KCNH8: variants seen among roughly 807,000 people sequenced by gnomAD.
The protein encoded by KCNH8 is potassium voltage-gated channel subfamily H member 8.
In KCNH8, 70 loss-of-function variants were observed where a neutral mutation model predicts 103.6. The ratio of observed to expected loss-of-function variants is 0.68; its 90% CI spans 0.56 to 0.82. The LOEUF (loss-of-function observed/expected upper bound fraction) is 0.82. Among genes scored for constraint, KCNH8 ranks in the 40% least tolerant of loss-of-function variants. KCNH8 has a pLI of 0.00. For synonymous variants in KCNH8, 498 were observed against 489.4 expected, an observed-to-expected ratio of 1.02 and a Z score of -0.23; for missense variants, 1,217 against 1,329.9, an observed-to-expected ratio of 0.92 and a Z score of 1.32.
At chr3:19,372,948 C>T (rs545268065) in intron 5 of KCNH8, among the ~76,000 whole-genome samples, 2 of 151,736 alleles carry the variant, frequency 1.3e-5, no homozygotes, top group Non-Finnish European at 2.9e-5. Flanking sequence ...GCCTTGCATC[C>T]CAGGGATGAA....
chr3:19,417,395 G>A (rs1168716855), intron 7 of KCNH8, among the ~76,000 whole-genome samples: 1 of 151,426 alleles, frequency 6.6e-6, no homozygotes, highest in Non-Finnish European at 1.5e-5. Flanking sequence ...TATAATAATG[G>A]TAGTTATCTA....
chr3:19,335,371 T>A (rs896726268), intron 3 of KCNH8, among the ~76,000 whole-genome samples: 1 of 151,512 alleles, frequency 6.6e-6, no homozygotes, highest in Non-Finnish European at 1.5e-5. Context: ...ATATTCAGTT[T>A]ACTAATGTTT....
chr3:19,472,191 CATTCGTGTGTGT>C (rs1332482675), intron 11 of KCNH8, among the ~76,000 whole-genome samples: 4 of 124,178 alleles, frequency 3.2e-5, no homozygotes, highest in African/African-American at 9.4e-5. Context: ...TTAATCACTT[CATTCGTGTGTGT>C]GTGTGTGTGT....
chr3:19,199,527 A>T (rs548419408), intron 1 of KCNH8, among the ~76,000 whole-genome samples: 1 of 148,926 alleles, frequency 6.7e-6, no homozygotes, highest in Non-Finnish European at 1.5e-5. Flanking sequence ...ATGTACTTTG[A>T]TCATTGCTAG....
intron 11 of KCNH8, among the ~76,000 whole-genome samples, chr3:19,494,107 G>A (rs538926145): frequency 7.9e-5 from 12 of 152,266 alleles, no homozygotes; most frequent in East Asian, 1.9e-4. Flanking sequence ...TTTTCTGTTC[G>A]TGTGTTAGTT....
intron 3 of KCNH8, among the ~76,000 whole-genome samples, chr3:19,331,283 T>G (rs531518089): frequency 1.3e-5 from 2 of 148,674 alleles, no homozygotes; most frequent in Admixed American, 1.3e-4. Flanking sequence ...ATTTATTTAT[T>G]TATTGTTGTT....
intron 5 of KCNH8, among the ~76,000 whole-genome samples, chr3:19,355,529 T>C (rs913617980): frequency 6.1e-4 from 93 of 152,190 alleles, no homozygotes; most frequent in Non-Finnish European, 1.1e-3. Context: ...GTGGCACATA[T>C]ACAACATGGA....
chr3:19,501,386 A>C (rs1303904930), intron 11 of KCNH8, among the ~76,000 whole-genome samples: 2 of 152,192 alleles, frequency 1.3e-5, no homozygotes, highest in Non-Finnish European at 2.9e-5. Context: ...AAACTATTCC[A>C]ATCAACAGAA....
In KCNH8 at chr3:19,451,248, C is replaced by T. The variant is rs1361265649; in HGVS notation, c.1669C>T (p.Arg557Trp). 18 of 1,613,708 alleles carry T rather than the reference C, an allele frequency of 1.1e-5. No homozygotes were observed. Among genetic ancestry groups the T allele is most frequent in the Admixed American group, 3.3e-5 (2 of 59,946 alleles). Residue 557 changes from arginine (R) to tryptophan (W), a missense_variant, in exon 10 of 16, where the codon CGG becomes TGG. Around this residue, in one of 3 missense-constraint regions of KCNH8, gnomAD observed 415 missense variants for 577.4 expected, o/e 0.72. Transcript: ENST00000328405. ...GTTGTCCCTTTTTGAATGTGCCAGC[C>T]GGGGCTGCCTCAGGTCTCTGTCTCT... The part of the protein sequence containing the change: ...LQLSLFECAS[R>W]GCLRSLSLHI...
At chr3:19,230,592 A>C (rs1274287100) in intron 1 of KCNH8, among the ~76,000 whole-genome samples, 1 of 152,242 alleles carries the variant, frequency 6.6e-6, no homozygotes, top group Non-Finnish European at 1.5e-5. Flanking sequence ...CATCGGTTGC[A>C]TAATACCAAA....
chr3:19,268,344 C>T (rs2064541816), intron 2 of KCNH8, among the ~76,000 whole-genome samples: 1 of 152,006 alleles, frequency 6.6e-6, no homozygotes, highest in South Asian at 2.1e-4. Flanking sequence ...AAATTGACTA[C>T]ATGGAGGAAA....
At chr3:19,428,813 C>A (rs1304652819) in intron 7 of KCNH8, among the ~76,000 whole-genome samples, 9 of 152,210 alleles carry the variant, frequency 5.9e-5, no homozygotes, top group African/African-American at 2.2e-4. Context: ...TGCTGCATTG[C>A]TTGCCTTCTG....
In KCNH8 at chr3:19,225,110, T is replaced by C. The variant is rs554577463; in HGVS notation, c.77-28544T>C. 2.0e-5 allele frequency among the ~76,000 whole-genome samples: 3 copies of C among 152,186 alleles called. No homozygotes were observed. In the South Asian group the frequency reaches 6.2e-4, roughly 32 times the overall value. On this transcript the variant is annotated intron_variant, in intron 1 of 15. Transcript: ENST00000328405. ...TAGTCAAAACATGGAATACATTGAA[T>C]ACTAACCTGAGGGATTTAGACTTTA...
intron 7 of KCNH8, among the ~76,000 whole-genome samples, chr3:19,411,268 A>G (rs1413378944): frequency 6.6e-6 from 1 of 152,126 alleles, no homozygotes; most frequent in African/African-American, 2.4e-5. Context: ...CAGAAACCAT[A>G]TGATCATCTC....
intron 2 of KCNH8, among the ~76,000 whole-genome samples, chr3:19,256,769 C>G (rs1405891148): frequency 6.6e-6 from 1 of 152,028 alleles, no homozygotes; most frequent in Non-Finnish European, 1.5e-5. Context: ...GTCTCTGCAG[C>G]CTTAGACACA....
At chr3:19,434,878 C>A (rs2067174962) in intron 7 of KCNH8, among the ~76,000 whole-genome samples, 1 of 151,968 alleles carries the variant, frequency 6.6e-6, no homozygotes, top group South Asian at 2.1e-4. Context: ...GTGGGAAGTG[C>A]AAACCTATTT....
intron 1 of KCNH8, among the ~76,000 whole-genome samples, chr3:19,243,746 C>G (rs1029969066): frequency 4.6e-5 from 7 of 152,074 alleles, no homozygotes; most frequent in African/African-American, 1.7e-4. Context: ...CTGAATTAAC[C>G]ATTTTTTTCC....
intron 1 of KCNH8, among the ~76,000 whole-genome samples, chr3:19,225,676 A>G (rs1335886831): frequency 1.3e-5 from 2 of 152,148 alleles, no homozygotes; most frequent in African/African-American, 2.4e-5. Context: ...CGTTTTGTTC[A>G]TGTGAACTTG....
At chr3:19,329,618 G>A (rs2065477231) in intron 3 of KCNH8, among the ~76,000 whole-genome samples, 1 of 152,010 alleles carries the variant, frequency 6.6e-6, no homozygotes, top group South Asian at 2.1e-4. Context: ...TTTGGTCTTA[G>A]CATTCACTTT....
Sources: allele counts gnomAD v4.1 joint callset (sites outside exome capture counted in the v4.1 genomes callset), GRCh38; gene constraint gnomAD v4.1.1; regional missense constraint gnomAD v4.1.1; transcripts MANE v1.5; gene names NCBI Gene and HGNC (gene_info 2026-07-23, HGNC 2026-07-21).